Variants in ARHGEF28 observed in about 807,000 individuals in gnomAD.
ARHGEF28 encodes the protein Rho guanine nucleotide exchange factor 28.
A neutral mutation model predicts 206.6 loss-of-function variants in ARHGEF28; 152 were observed. The observed-to-expected ratio is 0.74, with a 90% CI of 0.64 to 0.84. The LOEUF (loss-of-function observed/expected upper bound fraction) is 0.84. Among genes scored for constraint, ARHGEF28 ranks in the 40% least tolerant of loss-of-function variants. ARHGEF28 has a pLI of 0.00. For synonymous variants in ARHGEF28, 763 were observed against 776.4 expected, an observed-to-expected ratio of 0.98 and a Z score of 0.29; for missense variants, 2,028 against 2,073.2, an observed-to-expected ratio of 0.98 and a Z score of 0.42.
intron 30 of ARHGEF28, 144 bp downstream of exon 30, chr5:73,898,237 T>C: frequency 1.0e-6 from 1 of 986,228 alleles, no homozygotes; most frequent in South Asian, 1.8e-5. Flanking sequence ...TGAGAATAAA[T>C]ATGCTAGCCT....
At chr5:73,670,871 A>G (rs1312344968) in intron 1 of ARHGEF28, among the ~76,000 whole-genome samples, 1 of 151,966 alleles carries the variant, frequency 6.6e-6, no homozygotes, top group Non-Finnish European at 1.5e-5. Context: ...TAGCCCTTTG[A>G]TGGATATGTG....
rs79123928 is a variant in ARHGEF28 at position 73,798,493 on chromosome 5, G to T, written c.1024+3102G>T. 2.0e-3 allele frequency among the ~76,000 whole-genome samples: 301 copies of T among 152,264 alleles called. 1 individual carries two copies. The highest frequency in any genetic ancestry group is 6.8e-3 in the African/African-American group (283 of 41,554). On this transcript the variant is annotated intron_variant, in intron 9 of 35. Coordinates refer to ENST00000513042, the MANE Select transcript of ARHGEF28 (RefSeq NM_001177693.2). ...AAGCCGGTGCCCCAGAACCAGCTCCGCAAGGAGCTGACATCTATGTCTAAT... is the reference window on the plus strand; with the variant it reads ...AAGCCGGTGCCCCAGAACCAGCTCCTCAAGGAGCTGACATCTATGTCTAAT...
chr5:73,929,308 A>C (rs1287440552), intron 35 of ARHGEF28, among the ~76,000 whole-genome samples: 1 of 152,196 alleles, frequency 6.6e-6, no homozygotes, highest in African/African-American at 2.4e-5. Flanking sequence ...ATTATTTTGA[A>C]GCGGATCTTA....
intron 20 of ARHGEF28, among the ~76,000 whole-genome samples, chr5:73,869,013 C>T (rs569853425): frequency 1.7e-4 from 26 of 152,212 alleles, no homozygotes; most frequent in African/African-American, 6.3e-4. Context: ...TTTTTGTATA[C>T]AAGCAGCACC....
intron 2 of ARHGEF28, among the ~76,000 whole-genome samples, chr5:73,746,130 G>A (rs141259415): frequency 1.2e-3 from 188 of 152,198 alleles, no homozygotes; most frequent in African/African-American, 4.0e-3. Context: ...TTGGAAAGAA[G>A]TTTGGCAATT....
rs148045320 is a variant in ARHGEF28, at chr5:73,702,458, A to G, written c.33+17574A>G. Among the ~76,000 whole-genome samples, 208 of 152,270 alleles carry G rather than the reference A, an allele frequency of 1.4e-3. 1 individual carries two copies. The highest frequency in any genetic ancestry group is 4.7e-3 in the African/African-American group (194 of 41,550). On this transcript the variant is annotated intron_variant, in intron 2 of 35. Coordinates refer to ENST00000513042, the MANE Select transcript of ARHGEF28 (RefSeq NM_001177693.2). ...CCTTTTACCAAAGCCCCCGGCAACTATCATTCTACTCTTTGCCTCTATGAA... is the reference window on the plus strand; with the variant it reads ...CCTTTTACCAAAGCCCCCGGCAACTGTCATTCTACTCTTTGCCTCTATGAA...
At chr5:73,819,872 G>A (rs1756461109) in intron 9 of ARHGEF28, among the ~76,000 whole-genome samples, 1 of 152,164 alleles carries the variant, frequency 6.6e-6, no homozygotes, top group South Asian at 2.1e-4. Context: ...CAGCTTGAGT[G>A]TACTTTTTAC....
chr5:73,910,599 C>T (rs1762844239), intron 34 of ARHGEF28, among the ~76,000 whole-genome samples: 1 of 151,968 alleles, frequency 6.6e-6, no homozygotes, highest in South Asian at 2.1e-4. Context: ...CTTAAGAGTT[C>T]TATTAGATGT....
intron 22 of ARHGEF28, among the ~76,000 whole-genome samples, chr5:73,879,998 T>A (rs996150860): frequency 1.3e-5 from 2 of 152,224 alleles, no homozygotes; most frequent in Non-Finnish European, 2.9e-5. Context: ...GTTACTGCTG[T>A]CTTTTTGTTT....
intron 13 of ARHGEF28, among the ~76,000 whole-genome samples, chr5:73,849,851 C>A (rs575448860): frequency 2.0e-5 from 3 of 151,856 alleles, no homozygotes; most frequent in Non-Finnish European, 4.4e-5. Flanking sequence ...TATTAAAAAG[C>A]ATATTTGAAA....
At chr5:73,885,452 C>T (rs1372819021) in intron 24 of ARHGEF28, among the ~76,000 whole-genome samples, 1 of 150,986 alleles carries the variant, frequency 6.6e-6, no homozygotes, top group African/African-American at 2.4e-5. Context: ...GGGGGTGGTA[C>T]AGAGTGGTAT....
At chr5:73,637,222 T>G (rs1245710755) in intron 1 of ARHGEF28, among the ~76,000 whole-genome samples, 1 of 152,204 alleles carries the variant, frequency 6.6e-6, no homozygotes, top group East Asian at 1.9e-4. Flanking sequence ...ATGGCCTTTT[T>G]GATAACTATC....
intron 4 of ARHGEF28, among the ~76,000 whole-genome samples, chr5:73,759,038 A>C (rs1752462870): frequency 6.6e-6 from 1 of 152,210 alleles, no homozygotes. Context: ...TTTGGACTTC[A>C]ACACAGCTGA....
chr5:73,856,259 A>G (rs541309475), intron 14 of ARHGEF28, among the ~76,000 whole-genome samples: 66 of 152,330 alleles, frequency 4.3e-4, no homozygotes, highest in African/African-American at 1.5e-3. Flanking sequence ...GGAAGTAGAA[A>G]GGAAATTAAA....
chr5:73,881,667 C>T (rs1414330613), intron 22 of ARHGEF28, among the ~76,000 whole-genome samples: 5 of 152,112 alleles, frequency 3.3e-5, no homozygotes, highest in Non-Finnish European at 7.4e-5. Flanking sequence ...TGGGTGTGTT[C>T]CGGTTTCCAT....
intron 1 of ARHGEF28, among the ~76,000 whole-genome samples, chr5:73,631,782 G>GATCTCAAAGAAAAGCC (rs3060262): frequency 0.1 from 15,485 of 152,118 alleles, 1,307 homozygotes; most frequent in East Asian, 0.33. Flanking sequence ...GTGTGTTTCT[G>GATCTCAAAGAAAAGCC]ACTTCTTTGA....
In ARHGEF28 at chr5:73,776,717, G is replaced by A. The variant is rs146081221; in HGVS notation, c.840+21G>A. ...TCAAGGTTTGTACATAGTGATTCTA[G>A]CATGTGATAATGCATGCTTCAGAGA... is the stretch of plus-strand genomic sequence containing the variant. On this transcript the variant is annotated intron_variant, in intron 6 of 35. Transcript: ENST00000513042. 5.6e-5 allele frequency: 89 copies of A among 1,582,724 alleles called. 1 individual carries two copies. In the African/African-American group the frequency reaches 9.1e-4, roughly 16 times the overall value.
rs1752982786 is a variant in ARHGEF28 at position 73,767,786 on chromosome 5, G to A, written c.476-6069G>A. Among the ~76,000 whole-genome samples the A allele has an allele frequency of 2.0e-5, 3 of 152,328 alleles. No individual in the cohort carries two copies. The South Asian group carries it at 6.2e-4, about 32-fold the overall frequency. On this transcript the variant is annotated intron_variant, in intron 4 of 35. Transcript: ENST00000513042. Reference sequence around the variant, plus strand: ...AAATTTGTATAAGTAATGAAGAACTGAATATTAATCCCCAAGACAATGGGG... The same window carrying A: ...AAATTTGTATAAGTAATGAAGAACTAAATATTAATCCCCAAGACAATGGGG...
intron 18 of ARHGEF28, 31 bp downstream of exon 18, chr5:73,866,044 T>TA (rs762873292): frequency 4.4e-5 from 67 of 1,530,838 alleles, no homozygotes; most frequent in Non-Finnish European, 5.0e-5. Flanking sequence ...CAAGAACTTT[T>TA]AAAAATTTAA....
Sources: gnomAD v4.1 joint callset for allele counts (sites outside exome capture counted in the v4.1 genomes callset) on GRCh38, gnomAD v4.1.1 for gene constraint, MANE v1.5 for transcripts, NCBI Gene and HGNC (gene_info 2026-07-23, HGNC 2026-07-21) for gene names.